Variants in DNAH8 observed in about 807,000 individuals in gnomAD.
The protein encoded by DNAH8 is dynein axonemal heavy chain 8, also known as axonemal beta dynein heavy chain 8.
A neutral mutation model predicts 562.1 loss-of-function variants in DNAH8; 382 were observed. That is an observed-to-expected ratio of 0.68 (90% CI 0.63 to 0.74). DNAH8 has a LOEUF of 0.74. Ranked by LOEUF, DNAH8 falls within the 30% of genes least tolerant of loss-of-function variation. The pLI, the probability that DNAH8 is intolerant of heterozygous loss-of-function variation, is 0.00. For missense variants in DNAH8, 5,203 were observed against 5,620.4 expected (o/e 0.93, Z 2.37); for synonymous variants, 1,881 against 1,919.4 (o/e 0.98, Z 0.52).
intron 30 of DNAH8, among the ~76,000 whole-genome samples, chr6:38,829,095 T>C (rs1261571167): frequency 6.6e-6 from 1 of 152,212 alleles, no homozygotes; most frequent in African/African-American, 2.4e-5. Flanking sequence ...AGATAGAGCA[T>C]GTTTTCATGT....
chr6:38,803,957 G>T (rs1324634620), intron 22 of DNAH8, among the ~76,000 whole-genome samples: 2 of 151,980 alleles, frequency 1.3e-5, no homozygotes, highest in Non-Finnish European at 2.9e-5. Context: ...GCCCTAAAAG[G>T]CTCCTAACTT....
rs1763497890 is a variant in DNAH8 at position 38,973,804 on chromosome 6, A to G, written c.12669A>G (p.Thr4223=). ...AGCCCCATGATCGATTTCCAATTAC[A>G]TTGCTTCAGGTTTGTTACTAAACGT... The part of the protein sequence containing the change: ...TTEPHDRFPI[T]LLQTSLKFTN... The change falls in exon 84 of 93, where the codon ACA becomes ACG. Residue 4223 remains threonine, a synonymous_variant. Transcript: ENST00000327475. The G allele has an allele frequency of 6.2e-7, 1 of 1,601,324 alleles. No individual in the cohort carries two copies. The highest frequency in any genetic ancestry group is 1.3e-5 in the African/African-American group (1 of 74,180).
chr6:38,743,522 A>G (rs1186848464), intron 8 of DNAH8, among the ~76,000 whole-genome samples: 2 of 152,146 alleles, frequency 1.3e-5, no homozygotes, highest in African/African-American at 4.8e-5. Context: ...GAGAAACTCT[A>G]TATCCTTCAG....
chr6:38,929,607 G>C lies in DNAH8; in HGVS notation c.11215G>C (p.Asp3739His), dbSNP rs1782380885. The C allele has an allele frequency of 2.5e-6, 4 of 1,609,462 alleles. No homozygotes were observed. Among genetic ancestry groups the C allele is most frequent in the Non-Finnish European group, 3.4e-6 (4 of 1,178,876 alleles). Reference protein sequence around the residue: ...LLIEDIHEELDPALDNVLEKN... With the variant: ...LLIEDIHEELHPALDNVLEKN... ...CATTGAGGACATTCATGAAGAGCTG[G>C]ATCCAGCCTTGGATAATGTATTAGA... is the stretch of plus-strand genomic sequence containing the variant. The change falls in exon 75 of 93, where the codon GAT (aspartate) becomes CAT (histidine). Residue 3739 changes from aspartate to histidine, a missense_variant. Asp to His is a moderately conservative substitution (Grantham distance 81). This residue lies in a region of DNAH8 where 1,399 missense variants were observed against 1,518.4 expected (regional missense o/e 0.92). Coordinates refer to ENST00000327475, the MANE Select transcript of DNAH8 (RefSeq NM_001206927.2).
chr6:38,821,048 T>C (rs909655861), intron 26 of DNAH8, among the ~76,000 whole-genome samples: 1 of 152,148 alleles, frequency 6.6e-6, no homozygotes, highest in Non-Finnish European at 1.5e-5. Context: ...AGTTAAACCA[T>C]CTTTATTAGC....
intron 21 of DNAH8, among the ~76,000 whole-genome samples, chr6:38,793,597 T>A (rs530587227): frequency 3.9e-5 from 6 of 152,330 alleles, no homozygotes; most frequent in Admixed American, 3.9e-4. Context: ...AAAGTCTGTT[T>A]TTAAAAAACT....
intron 11 of DNAH8, chr6:38,762,804 C>A: frequency 5.7e-6 from 1 of 176,280 alleles, no homozygotes; most frequent in Non-Finnish European, 1.2e-5. Context: ...GTGCCCTCCA[C>A]CCAGGATGGG....
chr6:38,911,735 T>C (rs1780918625), intron 66 of DNAH8, 149 bp downstream of exon 66: 1 of 616,722 alleles, frequency 1.6e-6, no homozygotes, highest in African/African-American at 1.9e-5. Flanking sequence ...TTGAGGGTAT[T>C]TTGACCTGTC....
chr6:38,797,590 A>G (rs771322622), intron 21 of DNAH8, among the ~76,000 whole-genome samples: 3 of 151,980 alleles, frequency 2.0e-5, no homozygotes, highest in Non-Finnish European at 4.4e-5. Context: ...TATGCTTCCA[A>G]TTCCAATTCC....
At chr6:38,853,009 T>A (rs75479655) in intron 40 of DNAH8, among the ~76,000 whole-genome samples, 177 bp from the exon 41 acceptor site, 2,330 of 152,306 alleles carry the variant, frequency 0.015, 97 homozygotes, top group East Asian at 0.15. Context: ...CTAGGTGATC[T>A]GTGTAGTTCC....
chr6:38,784,439 T>A (rs1768947938), intron 17 of DNAH8, among the ~76,000 whole-genome samples: 1 of 152,200 alleles, frequency 6.6e-6, no homozygotes, highest in Non-Finnish European at 1.5e-5. Flanking sequence ...TACAGTCACC[T>A]GTTTCATACA....
At chr6:38,953,697 G>A (rs1021465606) in intron 82 of DNAH8, among the ~76,000 whole-genome samples, 1 of 152,182 alleles carries the variant, frequency 6.6e-6, no homozygotes, top group Non-Finnish European at 1.5e-5. Flanking sequence ...AAGTCCCAAA[G>A]ATAGCTGTTA....
At chr6:38,846,480 C>T (rs1011513239) in intron 36 of DNAH8, among the ~76,000 whole-genome samples, 1 of 152,160 alleles carries the variant, frequency 6.6e-6, no homozygotes, top group Admixed American at 6.5e-5. Context: ...TAGCTAATAT[C>T]CCTTTTCCAC....
chr6:38,883,973 C>G lies in DNAH8; in HGVS notation c.8234C>G (p.Pro2745Arg). Residue 2745 changes from proline (P) to arginine (R), a missense_variant, in exon 56 of 93, where the codon CCT becomes CGT. Pro to Arg is a moderately radical substitution (Grantham distance 103). Transcript: ENST00000327475. ...GTATTTATTGATGATATTAATATGC[C>G]TGTGATTAATGAGTGGGGAGATCAG... The part of the protein sequence containing the change: ...MTVFIDDINM[P>R]VINEWGDQIT... The G allele has an allele frequency of 6.4e-7, 1 of 1,574,178 alleles. No homozygotes were observed. Among genetic ancestry groups the G allele is most frequent in the Non-Finnish European group, 8.6e-7 (1 of 1,158,278 alleles).
At chr6:38,740,301 A>G (rs1207367122) in intron 7 of DNAH8, among the ~76,000 whole-genome samples, 1 of 152,182 alleles carries the variant, frequency 6.6e-6, no homozygotes, top group Non-Finnish European at 1.5e-5. Flanking sequence ...GAAAACTGCC[A>G]TCTTTGTATA....
At chr6:38,936,882 T>C (rs2150589436) in intron 77 of DNAH8, among the ~76,000 whole-genome samples, 1 of 152,206 alleles carries the variant, frequency 6.6e-6, no homozygotes, top group East Asian at 1.9e-4. Flanking sequence ...TAGGCCAGAG[T>C]GCTGCTGTTC....
At position 38,899,361 on chromosome 6, in the gene DNAH8, G is replaced by A. The variant is rs560072591; in HGVS notation, c.9064-415G>A. On this transcript the variant is annotated intron_variant, in intron 61 of 92. Coordinates refer to ENST00000327475, the MANE Select transcript of DNAH8 (RefSeq NM_001206927.2). ...GAGTTAGTGTTCATTGTTGAGTTAGGTGTCTACATGATTCAGTGTGTCAGG... is the reference window on the plus strand; with the variant it reads ...GAGTTAGTGTTCATTGTTGAGTTAGATGTCTACATGATTCAGTGTGTCAGG... 2.0e-5 allele frequency among the ~76,000 whole-genome samples: 3 copies of A among 152,304 alleles called. No homozygotes were observed. The South Asian group carries it at 6.2e-4, about 32-fold the overall frequency.
intron 26 of DNAH8, among the ~76,000 whole-genome samples, chr6:38,822,132 T>C (rs1326147570): frequency 6.6e-6 from 1 of 152,242 alleles, no homozygotes; most frequent in Admixed American, 6.5e-5. Flanking sequence ...AATATGCATA[T>C]AGTGATTCTT....
At chr6:38,870,859 A>G (rs372082693) in intron 49 of DNAH8, among the ~76,000 whole-genome samples, 12 of 152,318 alleles carry the variant, frequency 7.9e-5, no homozygotes, top group East Asian at 7.7e-4. Context: ...AACAACGCAG[A>G]TGTCTTCTTG....
Sources: allele counts gnomAD v4.1 joint callset (sites outside exome capture counted in the v4.1 genomes callset), GRCh38; gene constraint gnomAD v4.1.1; regional missense constraint gnomAD v4.1.1; transcripts MANE v1.5; gene names NCBI Gene and HGNC (gene_info 2026-07-23, HGNC 2026-07-21).